The following PLCB1 variants were observed in gnomAD, a reference collection of about 807,000 sequenced individuals.
PLCB1 encodes the protein phospholipase C beta 1.
A neutral mutation model predicts 161.8 loss-of-function variants in PLCB1; 46 were observed. That is an observed-to-expected ratio of 0.28 (90% CI 0.22 to 0.36). The LOEUF (loss-of-function observed/expected upper bound fraction) is 0.36, where lower values mean the gene tolerates loss of function less well. PLCB1 is among the 10% of genes least tolerant of loss of function. The pLI is 1.00. For missense variants in PLCB1, 1,016 were observed against 1,472.5 expected, an observed-to-expected ratio of 0.69 and a Z score of 5.07; for synonymous variants, 517 against 503.7, an observed-to-expected ratio of 1.03 and a Z score of -0.35.
chr20:8,796,310 G>A (rs549147711), intron 31 of PLCB1, among the ~76,000 whole-genome samples: 15 of 152,164 alleles, frequency 9.9e-5, no homozygotes, highest in African/African-American at 3.6e-4. Context: ...CCCTCTGCTT[G>A]AAGTTAGTCT....
chr20:8,505,602 G>A (rs1451491088), intron 3 of PLCB1, among the ~76,000 whole-genome samples: 1 of 152,198 alleles, frequency 6.6e-6, no homozygotes, highest in Non-Finnish European at 1.5e-5. Flanking sequence ...GTACCGTCAA[G>A]TGAAATGCTC....
At position 8,419,212 on chromosome 20, in the gene PLCB1, A is replaced by C. The variant is rs192781150; in HGVS notation, c.246+47762A>C. The stretch of plus-strand genomic sequence containing the variant: ...TTGTCTTTGGTGTAGAAAATTAAAC[A>C]TGTGACTCTGAACTTTGTAGAGTGC... On this transcript the variant is annotated intron_variant, in intron 3 of 31. Coordinates refer to ENST00000338037, the MANE Select transcript of PLCB1 (RefSeq NM_015192.4). 3.9e-4 allele frequency among the ~76,000 whole-genome samples: 60 copies of C among 152,338 alleles called. No individual in the cohort carries two copies. In the East Asian group the frequency reaches 0.01, roughly 26 times the overall value.
At chr20:8,427,115 T>G (rs967833093) in intron 3 of PLCB1, among the ~76,000 whole-genome samples, 1 of 152,152 alleles carries the variant, frequency 6.6e-6, no homozygotes, top group Non-Finnish European at 1.5e-5. Context: ...TTCACCATGT[T>G]GGACGGGCTG....
Position 8,803,571 on chromosome 20 carries a change from G to C in PLCB1, c.3423+13310G>C, listed in dbSNP as rs1206385314. On this transcript the variant is annotated intron_variant, in intron 31 of 31. Coordinates refer to ENST00000338037, the MANE Select transcript of PLCB1 (RefSeq NM_015192.4). Reference sequence around the variant, plus strand: ...GATCATTTTGTTTCTGTATTACCTTGTAATGAAGGCCATATTGGAAGGTGA... The same window carrying C: ...GATCATTTTGTTTCTGTATTACCTTCTAATGAAGGCCATATTGGAAGGTGA... Among the ~76,000 whole-genome samples, 3 of 151,316 alleles carry C rather than the reference G, an allele frequency of 2.0e-5. No homozygotes were observed. In the Admixed American group the frequency reaches 2.0e-4, roughly 10 times the overall value.
chr20:8,269,450 G>T (rs1181488167), intron 2 of PLCB1, among the ~76,000 whole-genome samples: 3 of 152,116 alleles, frequency 2.0e-5, no homozygotes, highest in Non-Finnish European at 4.4e-5. Flanking sequence ...AGTTAAATGA[G>T]ATAATGCATG....
At chr20:8,250,448 G>C (rs1481945159) in intron 2 of PLCB1, among the ~76,000 whole-genome samples, 1 of 151,698 alleles carries the variant, frequency 6.6e-6, no homozygotes, top group Non-Finnish European at 1.5e-5. Context: ...TTGTGACCTT[G>C]TGCTCCAAAT....
At chr20:8,719,861 A>T (rs1476391857) in intron 14 of PLCB1, among the ~76,000 whole-genome samples, 1 of 152,200 alleles carries the variant, frequency 6.6e-6, no homozygotes, top group Non-Finnish European at 1.5e-5. Flanking sequence ...TCAGGGTTAA[A>T]AAAAAGTAGC....
intron 9 of PLCB1, among the ~76,000 whole-genome samples, chr20:8,682,936 A>T (rs1277234582): frequency 7.2e-5 from 11 of 152,172 alleles, no homozygotes; most frequent in Admixed American, 7.2e-4. Context: ...TAACCATCAG[A>T]GCAGTCAATG....
chr20:8,737,576 T>G (rs1308917447), intron 20 of PLCB1, among the ~76,000 whole-genome samples: 1 of 152,222 alleles, frequency 6.6e-6, no homozygotes, highest in Non-Finnish European at 1.5e-5. Context: ...AAAGGAATAT[T>G]ATTTAAATTC....
chr20:8,638,562 A>G (rs1458640324), intron 4 of PLCB1, among the ~76,000 whole-genome samples: 1 of 152,184 alleles, frequency 6.6e-6, no homozygotes, highest in East Asian at 1.9e-4. Flanking sequence ...AGAAATGTGT[A>G]AGTAAACCCC....
At chr20:8,420,202 A>G (rs1979481043) in intron 3 of PLCB1, among the ~76,000 whole-genome samples, 1 of 152,186 alleles carries the variant, frequency 6.6e-6, no homozygotes, top group South Asian at 2.1e-4. Context: ...AAAATGATCT[A>G]GATGAGACAA....
At chr20:8,547,541 G>C (rs150251591) in intron 3 of PLCB1, among the ~76,000 whole-genome samples, 88 of 143,968 alleles carry the variant, frequency 6.1e-4, no homozygotes, top group African/African-American at 2.0e-3. Flanking sequence ...CTTCCTCATT[G>C]CCCATATCTA....
intron 3 of PLCB1, among the ~76,000 whole-genome samples, chr20:8,391,775 A>G (rs62195926): frequency 0.022 from 1,635 of 74,786 alleles, 26 homozygotes; most frequent in Non-Finnish European, 0.03. Context: ...ATATATATAT[A>G]TATGTGTGTG....
intron 1 of PLCB1, among the ~76,000 whole-genome samples, chr20:8,135,797 A>T (rs747710125): frequency 6.6e-6 from 1 of 152,156 alleles, no homozygotes; most frequent in South Asian, 2.1e-4. Context: ...TTTGTTTTGC[A>T]TTTGTCTGTT....
At chr20:8,466,634 C>G (rs1196524895) in intron 3 of PLCB1, among the ~76,000 whole-genome samples, 1 of 152,094 alleles carries the variant, frequency 6.6e-6, no homozygotes, top group East Asian at 1.9e-4. Flanking sequence ...TCTTCCCCAT[C>G]TTTTACTTGT....
intron 3 of PLCB1, among the ~76,000 whole-genome samples, chr20:8,556,656 GGTGTGTGTGTGTGTGTGT>G (rs58160557): frequency 1.1e-4 from 15 of 141,860 alleles, no homozygotes; most frequent in East Asian, 4.2e-4. Flanking sequence ...GAGAGGGTTG[GGTGTGTGTGTGTGTGTGT>G]GTGTGTGTGT....
chr20:8,277,659 G>A (rs933228694), intron 2 of PLCB1, among the ~76,000 whole-genome samples: 2 of 152,092 alleles, frequency 1.3e-5, no homozygotes, highest in Admixed American at 1.3e-4. Flanking sequence ...GCATGTTAAT[G>A]TTTAATATTA....
intron 31 of PLCB1, among the ~76,000 whole-genome samples, chr20:8,859,233 G>A (rs140835933): frequency 6.4e-4 from 98 of 152,280 alleles, no homozygotes; most frequent in African/African-American, 2.2e-3. Flanking sequence ...AAGAAGCACC[G>A]AATCCAGAAT....
At chr20:8,868,874 T>C (rs1051051543) in intron 31 of PLCB1, among the ~76,000 whole-genome samples, 2 of 151,984 alleles carry the variant, frequency 1.3e-5, no homozygotes, top group Admixed American at 6.6e-5. Context: ...CCTCAAGTGA[T>C]CCACCCACCT....
Sources: allele counts gnomAD v4.1 joint callset (sites outside exome capture counted in the v4.1 genomes callset), GRCh38; gene constraint gnomAD v4.1.1; transcripts MANE v1.5; gene names NCBI Gene and HGNC (gene_info 2026-07-23, HGNC 2026-07-21).